PTPRD: variants seen among roughly 807,000 people sequenced by gnomAD.
The protein encoded by PTPRD is receptor-type tyrosine-protein phosphatase delta.
PTPRD carries 34 observed loss-of-function variants against 214.5 expected under a neutral mutation model. That is an observed-to-expected ratio of 0.16 (90% confidence interval 0.12 to 0.21). PTPRD has a LOEUF of 0.21. PTPRD is among the 10% of genes least tolerant of loss of function. The pLI, the probability that PTPRD is intolerant of heterozygous loss-of-function variation, is 1.00. For missense variants in PTPRD, 2,545 were observed against 2,398.7 expected (o/e 1.06, Z -1.27); for synonymous variants, 1,128 against 845.7 (o/e 1.33, Z -5.79).
rs1041322980 is a variant in PTPRD, at chr9:8,496,158, C to T, written c.2349+1084G>A. On this transcript the variant is annotated intron_variant, in intron 26 of 45. Transcript: ENST00000381196. ...AACTTTAAAAAATATGTATGTTCCA[C>T]CTCCAACTCTCCAACACACACACAC... Among the ~76,000 whole-genome samples, 16 of 149,330 alleles carry T rather than the reference C, an allele frequency of 1.1e-4. 1 individual carries two copies. The highest frequency in any genetic ancestry group is 9.5e-4 in the Admixed American group (14 of 14,814).
chr9:9,372,022 T>G (rs2059645402), intron 9 of PTPRD, among the ~76,000 whole-genome samples: 2 of 152,336 alleles, frequency 1.3e-5, no homozygotes, highest in African/African-American at 4.8e-5. Flanking sequence ...TGAGGATTGC[T>G]TTGCTTCCAA....
chr9:9,310,691 GC>G (rs930927113), intron 9 of PTPRD, among the ~76,000 whole-genome samples: 47 of 152,060 alleles, frequency 3.1e-4, no homozygotes, highest in Non-Finnish European at 1.2e-4. Context: ...GCGGAAGCAG[GC>G]CGATCACCTG....
chr9:8,356,819 A>T (rs1048016645), intron 39 of PTPRD, among the ~76,000 whole-genome samples: 1 of 152,214 alleles, frequency 6.6e-6, no homozygotes, highest in Admixed American at 6.5e-5. Context: ...ACGTGTGCAT[A>T]AAATGATTCA....
At chr9:9,753,444 C>T (rs1312822214) in intron 6 of PTPRD, among the ~76,000 whole-genome samples, 5 of 152,024 alleles carry the variant, frequency 3.3e-5, no homozygotes, top group African/African-American at 4.8e-5. Flanking sequence ...TGCAAAAATA[C>T]CCTTCAGGCT....
At chr9:9,416,508 G>C (rs957784404) in intron 8 of PTPRD, among the ~76,000 whole-genome samples, 2 of 152,096 alleles carry the variant, frequency 1.3e-5, no homozygotes, top group Non-Finnish European at 2.9e-5. Context: ...GAATGTTATT[G>C]CTGTCAGAAC....
intron 8 of PTPRD, among the ~76,000 whole-genome samples, chr9:9,427,253 C>T (rs1028133694): frequency 6.6e-6 from 1 of 152,134 alleles, no homozygotes; most frequent in Non-Finnish European, 1.5e-5. Flanking sequence ...GGCATGAGAA[C>T]TACGTGACAA....
intron 8 of PTPRD, among the ~76,000 whole-genome samples, chr9:9,464,253 G>A (rs775765526): frequency 2.6e-5 from 4 of 151,954 alleles, no homozygotes; most frequent in Non-Finnish European, 4.4e-5. Context: ...AGTGAACATC[G>A]TATCCAATAG....
intron 11 of PTPRD, among the ~76,000 whole-genome samples, chr9:8,856,546 T>C (rs1331636374): frequency 6.6e-6 from 1 of 152,022 alleles, no homozygotes; most frequent in Non-Finnish European, 1.5e-5. Context: ...TGTAAATATA[T>C]ATATATAACT....
intron 39 of PTPRD, among the ~76,000 whole-genome samples, chr9:8,349,629 G>T (rs2074869347): frequency 6.6e-6 from 1 of 152,132 alleles, no homozygotes; most frequent in South Asian, 2.1e-4. Context: ...TGTCAGAGTA[G>T]TTGCCAAGCA....
At chr9:10,296,917 T>G (rs1014382429) in intron 3 of PTPRD, among the ~76,000 whole-genome samples, 2 of 151,918 alleles carry the variant, frequency 1.3e-5, no homozygotes, top group Non-Finnish European at 2.9e-5. Flanking sequence ...TTATTGATTT[T>G]ATTTCTGTAA....
intron 9 of PTPRD, among the ~76,000 whole-genome samples, chr9:9,315,741 T>C (rs191973571): frequency 1.1e-3 from 169 of 151,296 alleles, no homozygotes; most frequent in Non-Finnish European, 2.1e-3. Context: ...GAAAAAAAAA[T>C]CTCTGTGACT....
At chr9:10,352,632 T>G (rs2097202130) in intron 2 of PTPRD, among the ~76,000 whole-genome samples, 1 of 152,054 alleles carries the variant, frequency 6.6e-6, no homozygotes, top group African/African-American at 2.4e-5. Flanking sequence ...GCATAGGTAA[T>G]TGAATGTATT....
At chr9:9,622,208 C>T (rs537177755) in intron 7 of PTPRD, among the ~76,000 whole-genome samples, 1 of 152,268 alleles carries the variant, frequency 6.6e-6, no homozygotes, top group East Asian at 1.9e-4. Context: ...TCTGATTCTA[C>T]CTGTTTAACA....
At chr9:8,535,355 A>G (rs2076673644) in intron 14 of PTPRD, among the ~76,000 whole-genome samples, 1 of 151,980 alleles carries the variant, frequency 6.6e-6, no homozygotes, top group Non-Finnish European at 1.5e-5. Flanking sequence ...TTTAAAGCAT[A>G]GTGTTTGTGC....
intron 9 of PTPRD, among the ~76,000 whole-genome samples, chr9:9,362,859 TAAAAG>T (rs1358702515): frequency 1.3e-5 from 2 of 151,316 alleles, no homozygotes; most frequent in Non-Finnish European, 3.0e-5. Flanking sequence ...AATTCACTTT[TAAAAG>T]AAAAGAATAG....
chr9:10,425,741 G>C (rs936684729), intron 2 of PTPRD, among the ~76,000 whole-genome samples: 5 of 151,984 alleles, frequency 3.3e-5, no homozygotes, highest in South Asian at 4.1e-4. Context: ...TCAAAGTGTG[G>C]AAGATGTCAT....
intron 9 of PTPRD, among the ~76,000 whole-genome samples, chr9:9,289,387 T>A (rs1031650705): frequency 6.6e-6 from 1 of 151,884 alleles, no homozygotes; most frequent in Non-Finnish European, 1.5e-5. Context: ...ATGTATTCAA[T>A]GTGTACAATG....
chr9:8,773,622 A>C lies in PTPRD; in HGVS notation c.-103-39676T>G, dbSNP rs575328973. 1.2e-4 allele frequency among the ~76,000 whole-genome samples: 18 copies of C among 152,298 alleles called. No individual in the cohort carries two copies. The South Asian group carries it at 3.1e-3, about 26-fold the overall frequency. On this transcript the variant is annotated intron_variant, in intron 11 of 45. Coordinates refer to ENST00000381196, the MANE Select transcript of PTPRD (RefSeq NM_002839.4). ...TATCTTTTCACAACAAAAATCTGAT[A>C]ATGTAAATCCCCTGCTTAAAACACT...
At chr9:10,235,421 G>C (rs978957104) in intron 3 of PTPRD, among the ~76,000 whole-genome samples, 4 of 151,918 alleles carry the variant, frequency 2.6e-5, no homozygotes. Flanking sequence ...GACTCAGGAC[G>C]CTAAAGAGTA....
Sources: gnomAD v4.1 joint callset for allele counts (sites outside exome capture counted in the v4.1 genomes callset) on GRCh38, gnomAD v4.1.1 for gene constraint, MANE v1.5 for transcripts, NCBI Gene and HGNC (gene_info 2026-07-23, HGNC 2026-07-21) for gene names.